The following PDLIM5 variants were observed in gnomAD, a reference collection of about 807,000 sequenced individuals.
The protein encoded by PDLIM5 is PDZ and LIM domain 5, also known as PDZ and LIM domain protein 5.
Under a neutral mutation model 64.2 loss-of-function variants are expected in PDLIM5, and 34 were observed. That is an observed-to-expected ratio of 0.53 (90% CI 0.40 to 0.71). The LOEUF (loss-of-function observed/expected upper bound fraction) is 0.71. PDLIM5 is among the 30% of genes least tolerant of loss of function. The pLI, the probability that PDLIM5 is intolerant of heterozygous loss-of-function variation, is 0.00. For missense variants in PDLIM5, 683 were observed against 733.6 expected, an observed-to-expected ratio of 0.93 and a Z score of 0.80; for synonymous variants, 253 against 269.1, an observed-to-expected ratio of 0.94 and a Z score of 0.59.
At chr4:94,563,773 A>G (rs1228331642) in intron 3 of PDLIM5, among the ~76,000 whole-genome samples, 1 of 152,088 alleles carries the variant, frequency 6.6e-6, no homozygotes, top group African/African-American at 2.4e-5. Flanking sequence ...GTTGTTTTCT[A>G]TTTGTGTTTT....
intron 3 of PDLIM5, among the ~76,000 whole-genome samples, chr4:94,527,046 CTTTTTTTTTTT>C (rs57625095): frequency 8.6e-5 from 5 of 57,810 alleles, no homozygotes; most frequent in Admixed American, 2.1e-4. Context: ...GAACAGCATT[CTTTTTTTTTTT>C]TTTTTTTTTT....
At chr4:94,531,623 G>A (rs569153233) in intron 3 of PDLIM5, among the ~76,000 whole-genome samples, 12 of 152,266 alleles carry the variant, frequency 7.9e-5, no homozygotes, top group Admixed American at 2.6e-4. Flanking sequence ...CCTGTGGGCC[G>A]TGGGTTGGAC....
At chr4:94,560,240 TTTGA>T (rs1359699795) in intron 3 of PDLIM5, among the ~76,000 whole-genome samples, 3 of 152,200 alleles carry the variant, frequency 2.0e-5, no homozygotes, top group African/African-American at 7.2e-5. Context: ...CTGCTTTCTC[TTTGA>T]TTGAACTTTA....
At chr4:94,465,483 C>T (rs1724270291) in intron 2 of PDLIM5, among the ~76,000 whole-genome samples, 1 of 152,176 alleles carries the variant, frequency 6.6e-6, no homozygotes, top group Non-Finnish European at 1.5e-5. Flanking sequence ...TCACTATAAC[C>T]TCCACGTCCT....
chr4:94,630,241 T>A, intron 8 of PDLIM5, among the ~76,000 whole-genome samples: 1 of 152,232 alleles, frequency 6.6e-6, no homozygotes, highest in Non-Finnish European at 1.5e-5. Context: ...TCAGTGTTTT[T>A]AACAAGAACA....
intron 8 of PDLIM5, among the ~76,000 whole-genome samples, chr4:94,626,413 T>G (rs1739701242): frequency 6.6e-6 from 1 of 152,204 alleles, no homozygotes; most frequent in African/African-American, 2.4e-5. Flanking sequence ...AAAGAATTGT[T>G]TAGAGTTCTG....
rs79135827 is a variant in PDLIM5, at chr4:94,463,943, A to G, written c.96+8559A>G. 1.3e-4 allele frequency among the ~76,000 whole-genome samples: 20 copies of G among 152,348 alleles called. No homozygotes were observed. In the East Asian group the frequency reaches 3.8e-3, roughly 29 times the overall value. On this transcript the variant is annotated intron_variant, in intron 2 of 12. Transcript: ENST00000317968. The stretch of plus-strand genomic sequence containing the variant: ...TGTTCTGTAGCATAGTGAGTCAGGC[A>G]TTGTGAAGGTATACTAATGTGTGGC...
chr4:94,609,090 C>A (rs1360917065), intron 7 of PDLIM5, among the ~76,000 whole-genome samples: 1 of 152,108 alleles, frequency 6.6e-6, no homozygotes, highest in Non-Finnish European at 1.5e-5. Context: ...GGAAGAATGA[C>A]TTATCAAATT....
At chr4:94,543,919 TC>T (rs1732074446) in intron 3 of PDLIM5, among the ~76,000 whole-genome samples, 1 of 152,078 alleles carries the variant, frequency 6.6e-6, no homozygotes, top group South Asian at 2.1e-4. Context: ...TATGCTGACT[TC>T]ATTTCCTTTG....
chr4:94,651,525 A>C (rs751199569), intron 9 of PDLIM5, among the ~76,000 whole-genome samples: 2 of 152,208 alleles, frequency 1.3e-5, no homozygotes, highest in Non-Finnish European at 2.9e-5. Flanking sequence ...AAATTACAAA[A>C]GGGGAAAAAG....
intron 2 of PDLIM5, chr4:94,456,834 G>A (rs1445020219): frequency 2.0e-5 from 23 of 1,136,682 alleles, no homozygotes; most frequent in Non-Finnish European, 2.4e-5. Flanking sequence ...TATTTATCAA[G>A]TGCTGTGAAT....
intron 7 of PDLIM5, among the ~76,000 whole-genome samples, chr4:94,599,383 T>G (rs1408345015): frequency 6.6e-6 from 1 of 152,076 alleles, no homozygotes; most frequent in Non-Finnish European, 1.5e-5. Context: ...AAAGAATTAG[T>G]TCAGTTGATA....
intron 11 of PDLIM5, 47 bp from the exon 12 acceptor site, chr4:94,662,375 A>G (rs765285356): frequency 2.3e-6 from 2 of 880,760 alleles, no homozygotes; most frequent in Non-Finnish European, 3.8e-6. Context: ...ATCATTCTAA[A>G]ACTTCATCAT....
At chr4:94,494,436 T>TTTTTTTTTTTTTTTTTTTC in intron 2 of PDLIM5, among the ~76,000 whole-genome samples, 1 of 45,644 alleles carries the variant, frequency 2.2e-5, no homozygotes. Context: ...TTTCTTGTTT[T>TTTTTTTTTTTTTTTTTTTC]TTTTTTTTTT....
intron 5 of PDLIM5, among the ~76,000 whole-genome samples, chr4:94,581,319 G>A (rs1050693654): frequency 6.6e-6 from 1 of 152,006 alleles, no homozygotes. Flanking sequence ...ACTTGCTGCC[G>A]CTCCACCACA....
intron 7 of PDLIM5, among the ~76,000 whole-genome samples, chr4:94,611,947 G>GGC (rs1738397562): frequency 6.6e-6 from 1 of 152,164 alleles, no homozygotes; most frequent in Non-Finnish European, 1.5e-5. Context: ...GCCAGGTGCA[G>GGC]TGGCTCACAC....
chr4:94,616,011 G>A (rs754211647), intron 7 of PDLIM5, among the ~76,000 whole-genome samples: 18 of 152,114 alleles, frequency 1.2e-4, no homozygotes, highest in Non-Finnish European at 2.5e-4. Context: ...AAGTCAGTTT[G>A]TCTGGCAGCT....
At chr4:94,640,495 G>C in intron 9 of PDLIM5, 45 bp downstream of exon 9, 1 of 933,004 alleles carries the variant, frequency 1.1e-6, no homozygotes, top group Non-Finnish European at 1.5e-6. Flanking sequence ...TAATATCAAT[G>C]TTGGGTTTTT....
chr4:94,571,598 C>T (rs1734806763), intron 3 of PDLIM5, among the ~76,000 whole-genome samples: 3 of 152,134 alleles, frequency 2.0e-5, no homozygotes, highest in Admixed American at 1.3e-4. Flanking sequence ...GATCTGTTAT[C>T]CCATTGTATA....
Sources: allele counts gnomAD v4.1 joint callset (sites outside exome capture counted in the v4.1 genomes callset), GRCh38; gene constraint gnomAD v4.1.1; transcripts MANE v1.5; gene names NCBI Gene and HGNC (gene_info 2026-07-23, HGNC 2026-07-21).